Variants in METRN observed in about 807,000 individuals in gnomAD.
The protein encoded by METRN is meteorin.
A neutral mutation model predicts 17.4 loss-of-function variants in METRN; 17 were observed. The ratio of observed to expected loss-of-function variants is 0.98; its 90% CI spans 0.67 to 1.46. METRN has a LOEUF of 1.46. METRN is among the 40% of genes most tolerant of loss of function. The pLI is 0.00. For missense variants in METRN, 489 were observed against 456.2 expected (o/e 1.07, Z -0.65); for synonymous variants, 230 against 210.8 (o/e 1.09, Z -0.79).
In METRN at chr16:716,580, C is replaced by T. The variant is rs927852556; in HGVS notation, c.506-353C>T. 10 of 1,535,170 alleles carry T rather than the reference C, an allele frequency of 6.5e-6. No homozygotes were observed. The African/African-American group carries it at 1.1e-4, about 17-fold the overall frequency. ...CTAGCTGGGCTGCTGCTCTTCAGAC[C>T]TCAGATCCGGGAAACTAGAGGGGTC... On this transcript the variant is annotated intron_variant, in intron 2 of 3. Transcript: ENST00000568223.
chr16:717,427 G>GT lies in METRN; in HGVS notation c.*40_*41insT. 7.8e-7 allele frequency: 1 copy of GT among 1,286,236 alleles called. No homozygotes were observed. The highest frequency in any genetic ancestry group is 9.9e-7 in the Non-Finnish European group (1 of 1,009,180). 79.7% of individuals were successfully genotyped at this position (1,286,236 alleles called of 1,614,324 possible). A position where few individuals can be genotyped will look rare whatever the true frequency, so the allele number is the denominator to read the frequency against. ...GGGAGGGGCTGGTAGGAGGGAGGGT[G>GT]GGCCCACTGCTTTGGAGGTGATGGG... On this transcript the variant is annotated 3_prime_UTR_variant, in exon 4 of 4. Coordinates refer to ENST00000568223, the MANE Select transcript of METRN (RefSeq NM_024042.4).
rs866744238 is a variant in METRN, at chr16:715,472, G to T, written c.104+79G>T. On this transcript the variant is annotated intron_variant, in intron 1 of 3. Coordinates refer to ENST00000568223, the MANE Select transcript of METRN (RefSeq NM_024042.4). ...ACCCCCCAGGCGCCCCTCGGAGCGC[G>T]CAGAGCGCTGGGCCGGTTTCCCCAT... 8.0e-6 allele frequency: 10 copies of T among 1,253,518 alleles called. No individual in the cohort carries two copies. In the South Asian group the frequency reaches 2.6e-4, roughly 33 times the overall value. 77.6% of individuals were successfully genotyped at this position (1,253,518 alleles called of 1,614,324 possible).
chr16:717,583 A>G lies in METRN; in HGVS notation c.*196A>G. Reference sequence around the variant, plus strand: ...GCCTCCTGGCGGGAGACTGAGGCTCAGGGGAATGGTATCTTGTTCAAGACC... The same window carrying G: ...GCCTCCTGGCGGGAGACTGAGGCTCGGGGGAATGGTATCTTGTTCAAGACC... On this transcript the variant is annotated 3_prime_UTR_variant, in exon 4 of 4. Transcript: ENST00000568223. 1 of 471,394 alleles carries G rather than the reference A, an allele frequency of 2.1e-6. No homozygotes were observed. The highest frequency in any genetic ancestry group is 3.6e-6 in the Non-Finnish European group (1 of 277,672). 29.2% of individuals were successfully genotyped at this position (471,394 alleles called of 1,614,324 possible).
chr16:715,201 C>T lies in METRN; in HGVS notation c.-89C>T. 1 of 552,674 alleles carries T rather than the reference C, an allele frequency of 1.8e-6. No individual in the cohort carries two copies. The highest frequency in any genetic ancestry group is 2.3e-6 in the Non-Finnish European group (1 of 435,588). 34.2% of individuals were successfully genotyped at this position (552,674 alleles called of 1,614,324 possible). On this transcript the variant is annotated 5_prime_UTR_variant, in exon 1 of 4. Coordinates refer to ENST00000568223, the MANE Select transcript of METRN (RefSeq NM_024042.4). ...TCGCCGGGGCCGGGCGGCCGGCGCCCCCGGCTGCTCCCGCCGCCGCCCGGA... is the reference window on the plus strand; with the variant it reads ...TCGCCGGGGCCGGGCGGCCGGCGCCTCCGGCTGCTCCCGCCGCCGCCCGGA...
At chr16:716,844 C>A in intron 2 of METRN, 89 bp from the exon 3 acceptor site, 11 of 1,493,246 alleles carry the variant, frequency 7.4e-6, no homozygotes, top group Non-Finnish European at 9.9e-6. Flanking sequence ...TGCCTGCTGC[C>A]TCCTGCCGCT....
chr16:715,695 C>A lies in METRN; in HGVS notation c.216C>A (p.Pro72=). 7.1e-7 allele frequency: 1 copy of A among 1,399,542 alleles called. No individual in the cohort carries two copies. The highest frequency in any genetic ancestry group is 1.5e-5 in the South Asian group (1 of 66,432). The allele number at this position is 1,399,542 out of a possible 1,614,324, so 86.7% of individuals were successfully genotyped here. A position where few individuals can be genotyped will look rare whatever the true frequency, so the allele number is the denominator to read the frequency against. Residue 72 remains proline (P), a synonymous_variant, in exon 2 of 4, where the codon CCC becomes CCA. Coordinates refer to ENST00000568223, the MANE Select transcript of METRN (RefSeq NM_024042.4). ...CGCTGCGCCTGACCCTGGGCGGCCC[C>A]GATCCCAGAGCGCGGCCCGGCATCG... The part of the protein sequence containing the change: ...AGALRLTLGG[P]DPRARPGIAC...
At position 715,661 on chromosome 16, in the gene METRN, C is replaced by T. The variant is rs1003621719; in HGVS notation, c.182C>T (p.Pro61Leu). The T allele has an allele frequency of 8.4e-6, 12 of 1,428,618 alleles. No homozygotes were observed. The African/African-American group carries it at 1.2e-4, about 14-fold the overall frequency. 88.5% of individuals were successfully genotyped at this position (1,428,618 alleles called of 1,614,324 possible). ...GAGGGCGCGGTTGAGTGGCTGTACC[C>T]GGCTGGGGCGCTGCGCCTGACCCTG... ...CAEGAVEWLYPAGALRLTLGG... is the reference protein window; with the variant it reads ...CAEGAVEWLYLAGALRLTLGG... Residue 61 changes from proline to leucine, a missense_variant, in exon 2 of 4, where the codon CCG (proline) becomes CTG (leucine). Transcript: ENST00000568223.
chr16:716,133 C>T, intron 2 of METRN, 149 bp downstream of exon 2: 2 of 1,354,022 alleles, frequency 1.5e-6, no homozygotes, highest in Non-Finnish European at 1.9e-6. Flanking sequence ...CAGCCTGGGA[C>T]TGCTGGGGAG....
rs773257021 is a variant in METRN at position 717,329 on chromosome 16, G to A, written c.824G>A (p.Arg275His). 1.5e-5 allele frequency: 23 copies of A among 1,496,724 alleles called. No individual in the cohort carries two copies. The highest frequency in any genetic ancestry group is 1.5e-4 in the Admixed American group (7 of 47,488). 92.7% of individuals were successfully genotyped at this position (1,496,724 alleles called of 1,614,324 possible). The change falls in exon 4 of 4, where the codon CGT (arginine) becomes CAT (histidine). Residue 275 changes from arginine to histidine, a missense_variant. Physicochemically the swap from Arg to His is conservative, Grantham distance 29. Coordinates refer to ENST00000568223, the MANE Select transcript of METRN (RefSeq NM_024042.4). Reference protein sequence around the residue: ...GCAPRFQEFRRAYEAARAAHL... With the variant: ...GCAPRFQEFRHAYEAARAAHL... ...GCCCCACGATTCCAGGAGTTCCGCC[G>A]TGCCTACGAGGCTGCCCGTGCTGCC...
At position 715,776 on chromosome 16, in the gene METRN, AG is replaced by A. The variant is rs1253372388; in HGVS notation, c.302del (p.Gly101AlafsTer67). 1.6e-6 allele frequency: 2 copies of A among 1,261,154 alleles called. No individual in the cohort carries two copies. The highest frequency in any genetic ancestry group is 2.9e-5 in the South Asian group (1 of 34,370). The allele number at this position is 1,261,154 out of a possible 1,614,324, so 78.1% of individuals were successfully genotyped here. A position where few individuals can be genotyped will look rare whatever the true frequency, so the allele number is the denominator to read the frequency against. ...AGAQVFAERA[G>X]GALELLLAEG... ...GCGCCCAGGTCTTCGCGGAGCGCGC[AG>A]GGGGCGCCCTGGAGCTGCTGCTGGC... On this transcript the variant is annotated frameshift_variant, in exon 2 of 4. Coordinates refer to ENST00000568223, the MANE Select transcript of METRN (RefSeq NM_024042.4). LOFTEE classifies it high-confidence loss of function.
chr16:715,543 A>G, intron 1 of METRN, 41 bp from the exon 2 acceptor site: 1 of 1,287,174 alleles, frequency 7.8e-7, no homozygotes, highest in Non-Finnish European at 9.8e-7. Context: ...CCGGGCGGGG[A>G]CCCGCCCCCG....
chr16:715,499 C>T (rs2040152362), intron 1 of METRN, 85 bp from the exon 2 acceptor site: 3 of 1,266,166 alleles, frequency 2.4e-6, no homozygotes, highest in Middle Eastern at 3.0e-4. Context: ...TTTCCCCATC[C>T]GCGAGGCGGC....
chr16:715,969 G>GTCCT lies in METRN; in HGVS notation c.490_491insTCCT (p.Gly164ValfsTer16). On this transcript the variant is annotated frameshift_variant, in exon 2 of 4. Transcript: ENST00000568223. LOFTEE classifies it high-confidence loss of function. ...CCCCGAGCTGCCCCCGCAGGCCCAC[G>GTCCT]GTCTCGGCGTAGACGGTGAGTGGCG... 6.7e-7 allele frequency: 1 copy of GTCCT among 1,496,892 alleles called. No individual in the cohort carries two copies. Among genetic ancestry groups the GTCCT allele is most frequent in the Non-Finnish European group, 8.8e-7 (1 of 1,130,104 alleles). 92.7% of individuals were successfully genotyped at this position (1,496,892 alleles called of 1,614,324 possible).
intron 2 of METRN, chr16:716,584 G>T: frequency 6.5e-7 from 1 of 1,535,284 alleles, no homozygotes; most frequent in African/African-American, 1.4e-5. Context: ...TCAGACCTCA[G>T]ATCCGGGAAA....
chr16:716,539 C>T (rs2040163264), intron 2 of METRN: 2 of 1,529,036 alleles, frequency 1.3e-6, no homozygotes, highest in African/African-American at 2.7e-5. Flanking sequence ...TTCCTCTGCC[C>T]CCACTTCCTA....
At chr16:716,214 G>C in intron 2 of METRN, 1 of 985,456 alleles carries the variant, frequency 1.0e-6, no homozygotes, top group Non-Finnish European at 1.2e-6. Context: ...TGGAGGGAAG[G>C]GGAGGCCGGG....
In METRN at chr16:715,822, G is replaced by C; in HGVS notation, c.343G>C (p.Gly115Arg). 7.9e-7 allele frequency: 1 copy of C among 1,270,210 alleles called. No individual in the cohort carries two copies. Among genetic ancestry groups the C allele is most frequent in the East Asian group, 3.2e-5 (1 of 31,392 alleles). The allele number at this position is 1,270,210 out of a possible 1,614,324, so 78.7% of individuals were successfully genotyped here. A position where few individuals can be genotyped will look rare whatever the true frequency, so the allele number is the denominator to read the frequency against. ...GCTGGCCGAGGGCCCGGGCCCGGCA[G>C]GGGGCCGCTGCGTGCGCTGGGGTCC... ...LLLAEGPGPA[G>R]GRCVRWGPRE... Residue 115 changes from glycine (G) to arginine (R), a missense_variant, in exon 2 of 4, where the codon GGG (glycine) becomes CGG (arginine). Transcript: ENST00000568223.
intron 1 of METRN, 50 bp from the exon 2 acceptor site, chr16:715,534 C>G (rs2040152644): frequency 3.9e-6 from 5 of 1,287,552 alleles, no homozygotes; most frequent in Middle Eastern, 3.0e-4. Flanking sequence ...GGGGCTGCGC[C>G]GGGCGGGGAC....
At position 717,130 on chromosome 16, in the gene METRN, A is replaced by G. The variant is rs1391627501; in HGVS notation, c.625A>G (p.Thr209Ala). Residue 209 changes from threonine to alanine, a missense_variant, in exon 4 of 4, where the codon ACT (threonine) becomes GCT (alanine). Coordinates refer to ENST00000568223, the MANE Select transcript of METRN (RefSeq NM_024042.4). ...CGTGGAGCTGCAGGAGTCTGTCATC[A>G]CTGTGGTGGCCGCCCGTGTCCTCCG... ...HDVELQESVI[T>A]VVAARVLRQT... The G allele has an allele frequency of 6.2e-7, 1 of 1,602,790 alleles. No individual in the cohort carries two copies. The highest frequency in any genetic ancestry group is 1.1e-5 in the South Asian group (1 of 89,960).
Sources: allele counts gnomAD v4.1 joint callset, GRCh38; gene constraint gnomAD v4.1.1; transcripts MANE v1.5; gene names NCBI Gene and HGNC (gene_info 2026-07-23, HGNC 2026-07-21).